MYH6: variants seen among roughly 807,000 people sequenced by gnomAD.
MYH6 encodes the protein myosin-6.
MYH6 carries 126 observed loss-of-function variants against 223.2 expected under a neutral mutation model. The ratio of observed to expected loss-of-function variants is 0.56; its 90% CI spans 0.49 to 0.65. The LOEUF is 0.65. MYH6 is among the 30% of genes least tolerant of loss of function. The pLI is 0.00. For synonymous variants in MYH6, 978 were observed against 1,010.2 expected, an observed-to-expected ratio of 0.97 and a Z score of 0.61; for missense variants, 2,040 against 2,536.4, an observed-to-expected ratio of 0.80 and a Z score of 4.20.
chr14:23,403,950 C>T (rs1207987810), intron 8 of MYH6, among the ~76,000 whole-genome samples, 172 bp from the exon 9 acceptor site: 1 of 152,160 alleles, frequency 6.6e-6, no homozygotes, highest in Non-Finnish European at 1.5e-5. Flanking sequence ...ACACACTGTG[C>T]AGGGACCTCC....
chr14:23,386,145 G>A lies in MYH6; in HGVS notation c.4960-14C>T. The A allele has an allele frequency of 6.2e-7, 1 of 1,614,176 alleles. No homozygotes were observed. Among genetic ancestry groups the A allele is most frequent in the Non-Finnish European group, 8.5e-7 (1 of 1,180,008 alleles). On this transcript the variant is annotated splice_polypyrimidine_tract_variant and intron_variant, in intron 33 of 38. Transcript: ENST00000405093. ...GATCTGGGTGTCCTGAGCATCAGGA[G>A]AGTGGGTGTGAGCAGAAGCCAGCCT...
intron 26 of MYH6, 127 bp from the exon 27 acceptor site, chr14:23,389,846 G>A: frequency 6.5e-7 from 1 of 1,545,618 alleles, no homozygotes; most frequent in Non-Finnish European, 8.9e-7. Flanking sequence ...GGAGGGCGCA[G>A]TCTGAAGAGA....
chr14:23,389,191 G>C, intron 28 of MYH6, 136 bp from the exon 29 acceptor site: 1 of 1,237,026 alleles, frequency 8.1e-7, no homozygotes, highest in Non-Finnish European at 1.1e-6. Context: ...CACTGTTTGA[G>C]GAGTTTCCCA....
Position 23,384,597 on chromosome 14 carries a change from G to C in MYH6, c.5410C>G (p.Gln1804Glu). ...DLQHRLDEAE[Q>E]IALKGGKKQL... ...TTCTTGCCTCCCTTGAGGGCGATCT[G>C]CTCGGCCTCGTCCAGCCGGTGCTGC... The change falls in exon 36 of 39, where the codon CAG becomes GAG. Residue 1804 changes from glutamine (Q) to glutamate (E), a missense_variant. Gln to Glu is a conservative substitution (Grantham distance 29). Coordinates refer to ENST00000405093, the MANE Select transcript of MYH6 (RefSeq NM_002471.4). 1 of 1,613,812 alleles carries C rather than the reference G, an allele frequency of 6.2e-7. No homozygotes were observed. Among genetic ancestry groups the C allele is most frequent in the Non-Finnish European group, 8.5e-7 (1 of 1,180,038 alleles).
At chr14:23,387,682 A>T in intron 31 of MYH6, 29 bp from the exon 32 acceptor site, 1 of 1,614,130 alleles carries the variant, frequency 6.2e-7, no homozygotes, top group Non-Finnish European at 8.5e-7. Context: ...GAAAGCTCAA[A>T]GCCTATGTTC....
chr14:23,382,944 G>T (rs376627976), intron 37 of MYH6, among the ~76,000 whole-genome samples: 1 of 152,124 alleles, frequency 6.6e-6, no homozygotes, highest in Admixed American at 6.5e-5. Context: ...CAATTCCACC[G>T]CCACCTTCCT....
chr14:23,396,532 A>T (rs1595058439), intron 19 of MYH6, 112 bp from the exon 20 acceptor site: 2 of 1,566,080 alleles, frequency 1.3e-6, no homozygotes, highest in African/African-American at 2.7e-5. Context: ...TCTAGAAGTA[A>T]GAGTAAAAAT....
In MYH6 at chr14:23,405,407, A is replaced by G. The variant is rs766463991; in HGVS notation, c.346-28T>C. 4 of 1,613,814 alleles carry G rather than the reference A, an allele frequency of 2.5e-6. No homozygotes were observed. The highest frequency in any genetic ancestry group is 3.4e-6 in the Non-Finnish European group (4 of 1,179,898). On this transcript the variant is annotated intron_variant, in intron 4 of 38. Coordinates refer to ENST00000405093, the MANE Select transcript of MYH6 (RefSeq NM_002471.4). This position sits in a 1 kb window ranked among gnomAD's most constrained non-coding sequence, Gnocchi z 4.7. ...GGAGCAGGAGACAAGGCTGGGCATGAGGTTGGTGGGGAGAGCCTGGGACAG... is the reference window on the plus strand; with the variant it reads ...GGAGCAGGAGACAAGGCTGGGCATGGGGTTGGTGGGGAGAGCCTGGGACAG...
intron 16 of MYH6, 40 bp downstream of exon 16, chr14:23,397,503 C>T (rs181515347): frequency 6.1e-5 from 98 of 1,604,750 alleles, no homozygotes; most frequent in African/African-American, 3.5e-4. Flanking sequence ...TGGGCTGGGC[C>T]ATTCCACCAG....
At position 23,382,558 on chromosome 14, in the gene MYH6, T is replaced by C; in HGVS notation, c.5666A>G (p.Glu1889Gly). ...CTTGGACAGGTTGGTGTTGGCTTGC[T>C]CCTCCTGTGGTGGGACAGTGGGGAT... is the stretch of plus-strand genomic sequence containing the variant. ...AYKRQAEEAE[E>G]QANTNLSKFR... The change falls in exon 38 of 39, where the codon GAG (glutamate) becomes GGG (glycine). Residue 1889 changes from glutamate (E) to glycine (G), a missense_variant. Coordinates refer to ENST00000405093, the MANE Select transcript of MYH6 (RefSeq NM_002471.4). 6.2e-7 allele frequency: 1 copy of C among 1,614,140 alleles called. No individual in the cohort carries two copies. Among genetic ancestry groups the C allele is most frequent in the Non-Finnish European group, 8.5e-7 (1 of 1,180,022 alleles).
At position 23,387,199 on chromosome 14, in the gene MYH6, G is replaced by A. The variant is rs1323995069; in HGVS notation, c.4650+330C>T. On this transcript the variant is annotated intron_variant, in intron 32 of 38. Transcript: ENST00000405093. ...GATTTTGCCCAACGCTGCAGTGAAA[G>A]TCCTCAAGCTGTGTTCCAACTCAGG... Among the ~76,000 whole-genome samples the A allele has an allele frequency of 4.6e-5, 7 of 152,320 alleles. No individual in the cohort carries two copies. The East Asian group carries it at 1.3e-3, about 29-fold the overall frequency.
At position 23,390,432 on chromosome 14, in the gene MYH6, C is replaced by A; in HGVS notation, c.3357G>T (p.Glu1119Asp). The change falls in exon 26 of 39, where the codon GAG becomes GAT. Residue 1119 changes from glutamate (E) to aspartate (D), a missense_variant. By Grantham distance (45) the Glu-to-Asp change is conservative. Around this residue, in one of 4 missense-constraint regions of MYH6, gnomAD observed 1,203 missense variants for 1,400.2 expected, o/e 0.86. Transcript: ENST00000405093. ...GCTCGGCCTCCAGCTCCTCCTCCAG[C>A]TCCTCGATGCGTGCCTGGGTCAGAC... ...KLKENQARIE[E>D]LEEELEAERT... 6.2e-7 allele frequency: 1 copy of A among 1,612,732 alleles called. No individual in the cohort carries two copies. The highest frequency in any genetic ancestry group is 1.7e-4 in the Middle Eastern group (1 of 6,032).
chr14:23,390,256 C>T lies in MYH6; in HGVS notation c.3533G>A (p.Arg1178Gln), dbSNP rs758572490. Reference protein sequence around the residue: ...KREAEFQKMRRDLEEATLQHE... With the variant: ...KREAEFQKMRQDLEEATLQHE... ...CTGCAGCGTGGCCTCCTCCAGGTCC[C>T]GCCGCATCTTCTGGAACTCGGCCTC... The change falls in exon 26 of 39, where the codon CGG (arginine) becomes CAG (glutamine). Residue 1178 changes from arginine to glutamine, a missense_variant. By Grantham distance (43) the Arg-to-Gln change is conservative. Around this residue, in one of 4 missense-constraint regions of MYH6, gnomAD observed 1,203 missense variants for 1,400.2 expected, o/e 0.86. Transcript: ENST00000405093. The T allele has an allele frequency of 1.3e-5, 21 of 1,587,054 alleles. No homozygotes were observed. Among genetic ancestry groups the T allele is most frequent in the South Asian group, 8.9e-5 (8 of 89,546 alleles).
Position 23,382,561 on chromosome 14 carries a change from T to G in MYH6, c.5663A>C (p.Glu1888Ala), listed in dbSNP as rs767296506. 1 of 1,614,168 alleles carries G rather than the reference T, an allele frequency of 6.2e-7. No homozygotes were observed. The change falls in exon 38 of 39, where the codon GAG becomes GCG. Residue 1888 changes from glutamate (E) to alanine (A), a missense_variant and splice_region_variant. Coordinates refer to ENST00000405093, the MANE Select transcript of MYH6 (RefSeq NM_002471.4). Reference sequence around the variant, plus strand: ...GGACAGGTTGGTGTTGGCTTGCTCCTCCTGTGGTGGGACAGTGGGGATGGG... The same window carrying G: ...GGACAGGTTGGTGTTGGCTTGCTCCGCCTGTGGTGGGACAGTGGGGATGGG... The part of the protein sequence containing the change: ...KAYKRQAEEA[E>A]EQANTNLSKF...
At chr14:23,395,168 T>C (rs888765248) in intron 20 of MYH6, among the ~76,000 whole-genome samples, 12 of 152,210 alleles carry the variant, frequency 7.9e-5, no homozygotes, top group Admixed American at 3.9e-4. Context: ...CCCAGCCATA[T>C]GTATGTATCT....
chr14:23,392,751 C>G lies in MYH6; in HGVS notation c.3252-99G>C, dbSNP rs1419217896. On this transcript the variant is annotated intron_variant, in intron 24 of 38. Coordinates refer to ENST00000405093, the MANE Select transcript of MYH6 (RefSeq NM_002471.4). Reference sequence around the variant, plus strand: ...TTAGTATGCCAGAATCGGCACCTCCCCCTCCCCTCGCCAGCCCAGAAAGTG... The same window carrying G: ...TTAGTATGCCAGAATCGGCACCTCCGCCTCCCCTCGCCAGCCCAGAAAGTG... 3.4e-6 allele frequency: 5 copies of G among 1,449,724 alleles called. No individual in the cohort carries two copies. The Admixed American group carries it at 6.7e-5, about 19-fold the overall frequency. The allele number at this position is 1,449,724 out of a possible 1,614,324, so 89.8% of individuals were successfully genotyped here. A position where few individuals can be genotyped will look rare whatever the true frequency, so the allele number is the denominator to read the frequency against.
intron 14 of MYH6, 142 bp downstream of exon 14, chr14:23,400,114 G>T: frequency 7.9e-7 from 1 of 1,271,516 alleles, no homozygotes; most frequent in Non-Finnish European, 1.1e-6. Context: ...TCATGCCCAT[G>T]ACTTCACAGT....
Position 23,392,894 on chromosome 14 carries a change from G to T in MYH6, c.3251+18C>A. ...CAGACACCTCCATTAGCCCCTCCTG[G>T]CCACCACAGTCTCCTACTTCTTAAG... On this transcript the variant is annotated intron_variant, in intron 24 of 38. Coordinates refer to ENST00000405093, the MANE Select transcript of MYH6 (RefSeq NM_002471.4). 2 of 1,612,576 alleles carry T rather than the reference G, an allele frequency of 1.2e-6. No individual in the cohort carries two copies. The highest frequency in any genetic ancestry group is 8.5e-7 in the Non-Finnish European group (1 of 1,180,004).
chr14:23,402,345 C>T, intron 12 of MYH6, 119 bp downstream of exon 12: 2 of 1,498,094 alleles, frequency 1.3e-6, no homozygotes. Context: ...CCCTGTCCCT[C>T]ACCATCCCAC....
Sources: gnomAD v4.1 joint callset for allele counts (sites outside exome capture counted in the v4.1 genomes callset) on GRCh38, gnomAD v4.1.1 for gene constraint, gnomAD v4.1.1 regional missense constraint, Gnocchi (gnomAD v3.1) non-coding constraint, MANE v1.5 for transcripts, NCBI Gene and HGNC (gene_info 2026-07-23, HGNC 2026-07-21) for gene names.